COLGALT1: variants seen among roughly 807,000 people sequenced by gnomAD.
COLGALT1 encodes procollagen galactosyltransferase 1.
COLGALT1 carries 43 observed loss-of-function variants against 60.8 expected under a neutral mutation model. That is an observed-to-expected ratio of 0.71 (90% CI 0.55 to 0.91). The LOEUF is 0.91. Among genes scored for constraint, COLGALT1 ranks in the 40% least tolerant of loss-of-function variants. The pLI, the probability that COLGALT1 is intolerant of heterozygous loss-of-function variation, is 0.00. For missense variants in COLGALT1, 845 were observed against 880.0 expected (o/e 0.96, Z 0.50); for synonymous variants, 369 against 374.2 (o/e 0.99, Z 0.16).
At chr19:17,562,783 G>A (rs2076256946) in intron 3 of COLGALT1, among the ~76,000 whole-genome samples, 1 of 152,154 alleles carries the variant, frequency 6.6e-6, no homozygotes, top group African/African-American at 2.4e-5. Flanking sequence ...TTCAGGATGC[G>A]TCACGAGGTG....
intron 11 of COLGALT1, 48 bp downstream of exon 11, chr19:17,580,953 TC>T: frequency 6.2e-7 from 1 of 1,600,112 alleles, no homozygotes; most frequent in Non-Finnish European, 8.5e-7. Context: ...GGTGGGTCTG[TC>T]CTGGGAGAAT....
At chr19:17,559,238 C>A in intron 1 of COLGALT1, 73 bp from the exon 2 acceptor site, 3 of 1,083,816 alleles carry the variant, frequency 2.8e-6, no homozygotes, top group Non-Finnish European at 4.2e-6. Context: ...GATGGTGGTC[C>A]TTGACTTGCC....
intron 10 of COLGALT1, chr19:17,580,319 G>C (rs1456331002): frequency 6.4e-6 from 2 of 310,154 alleles, no homozygotes; most frequent in East Asian, 1.6e-4. Context: ...CTGCATTCTG[G>C]GAACACTGCC....
At position 17,559,319 on chromosome 19, in the gene COLGALT1, C is replaced by T. The variant is rs368847314; in HGVS notation, c.269C>T (p.Thr90Met). ...GTCCCCTCTCCCTGCAGGGTGGCTACGGACCACAACATGGATAACACGTCA... is the reference window on the plus strand; with the variant it reads ...GTCCCCTCTCCCTGCAGGGTGGCTATGGACCACAACATGGATAACACGTCA... ...PRERTALWVA[T>M]DHNMDNTSTV... Residue 90 changes from threonine (T) to methionine (M), a missense_variant, in exon 2 of 12, where the codon ACG becomes ATG. Coordinates refer to ENST00000252599, the MANE Select transcript of COLGALT1 (RefSeq NM_024656.4). The T allele has an allele frequency of 3.1e-5, 48 of 1,551,526 alleles. No homozygotes were observed. The highest frequency in any genetic ancestry group is 1.8e-4 in the South Asian group (15 of 84,058).
In COLGALT1 at chr19:17,580,887, T is replaced by C. The variant is rs137941571; in HGVS notation, c.1583T>C (p.Met528Thr). The C allele has an allele frequency of 6.2e-7, 1 of 1,613,866 alleles. No homozygotes were observed. The highest frequency in any genetic ancestry group is 8.5e-7 in the Non-Finnish European group (1 of 1,179,996). The change falls in exon 11 of 12, where the codon ATG becomes ACG. Residue 528 changes from methionine (M) to threonine (T), a missense_variant. Physicochemically the swap from Met to Thr is moderately conservative, Grantham distance 81. Transcript: ENST00000252599. ...CCTGTGGACGAGTTCCTGCCCGTCA[T>C]GTTCGACAAACACCCAGTGTGAGAG... ...MLPVDEFLPVMFDKHPVSEYK... is the reference protein window; with the variant it reads ...MLPVDEFLPVTFDKHPVSEYK...
chr19:17,561,631 C>CAAAAAA (rs11332403), intron 3 of COLGALT1, among the ~76,000 whole-genome samples: 8 of 72,752 alleles, frequency 1.1e-4, no homozygotes, highest in African/African-American at 2.3e-4. Context: ...GACTCTGTCT[C>CAAAAAA]AAAAAAAAAA....
rs551275658 is a variant in COLGALT1 at position 17,556,274 on chromosome 19, G to C, written c.260+301G>C. On this transcript the variant is annotated intron_variant, in intron 1 of 11. Transcript: ENST00000252599. ...GCTCCTTTGGGGTGGGCTGGGCACC[G>C]CTTCTGCCTGCTGGACCCTACTAGG... Among the ~76,000 whole-genome samples, 22 of 152,320 alleles carry C rather than the reference G, an allele frequency of 1.4e-4. No homozygotes were observed. In the East Asian group the frequency reaches 3.3e-3, roughly 23 times the overall value.
chr19:17,579,708 G>A, intron 10 of COLGALT1, 99 bp downstream of exon 10: 1 of 1,456,554 alleles, frequency 6.9e-7, no homozygotes, highest in South Asian at 1.2e-5. Context: ...ACCTGGGGAT[G>A]GGTCATGGCT....
Position 17,555,775 on chromosome 19 carries a change from T to C in COLGALT1, c.62T>C (p.Leu21Pro). ...RGQPLLALLL[L>P]LLAPLPPGAP... ...CAGCCGCTCCTGGCGCTGCTGCTTC[T>C]GCTGCTGGCGCCACTGCCGCCGGGG... The change falls in exon 1 of 12, where the codon CTG (leucine) becomes CCG (proline). Residue 21 changes from leucine to proline, a missense_variant. By Grantham distance (98) the Leu-to-Pro change is moderately conservative. Coordinates refer to ENST00000252599, the MANE Select transcript of COLGALT1 (RefSeq NM_024656.4). The C allele has an allele frequency of 8.1e-7, 1 of 1,236,908 alleles. No individual in the cohort carries two copies. Among genetic ancestry groups the C allele is most frequent in the Non-Finnish European group, 1.0e-6 (1 of 991,010 alleles). The allele number at this position is 1,236,908 out of a possible 1,614,324, so 76.6% of individuals were successfully genotyped here. A position where few individuals can be genotyped will look rare whatever the true frequency, so the allele number is the denominator to read the frequency against.
Position 17,581,645 on chromosome 19 carries a change from T to A in COLGALT1, c.*201T>A. The A allele has an allele frequency of 1.4e-6, 1 of 702,020 alleles. No homozygotes were observed. Among genetic ancestry groups the A allele is most frequent in the Non-Finnish European group, 2.3e-6 (1 of 431,840 alleles). The allele number at this position is 702,020 out of a possible 1,614,324, so 43.5% of individuals were successfully genotyped here. The stretch of plus-strand genomic sequence containing the variant: ...GCCTACTGCATGCCAGCAACAGGGC[T>A]TGGCCCTGGGGAATTGGGAGGAACC... On this transcript the variant is annotated 3_prime_UTR_variant, in exon 12 of 12. Transcript: ENST00000252599.
At chr19:17,573,523 G>A (rs2076324438) in intron 6 of COLGALT1, among the ~76,000 whole-genome samples, 1 of 151,216 alleles carries the variant, frequency 6.6e-6, no homozygotes, top group African/African-American at 2.4e-5. Context: ...GTGAAACTCC[G>A]TCTCAAAAAA....
intron 3 of COLGALT1, among the ~76,000 whole-genome samples, 167 bp from the exon 4 acceptor site, chr19:17,567,239 G>A (rs1013189492): frequency 2.6e-5 from 4 of 152,210 alleles, no homozygotes; most frequent in African/African-American, 9.7e-5. Flanking sequence ...ATGATCCAGG[G>A]GATCCTGCAG....
In COLGALT1 at chr19:17,577,268, C is replaced by G. The variant is rs145927102; in HGVS notation, c.1023C>G (p.Asp341Glu). 1 of 1,612,938 alleles carries G rather than the reference C, an allele frequency of 6.2e-7. No homozygotes were observed. Among genetic ancestry groups the G allele is most frequent in the Non-Finnish European group, 8.5e-7 (1 of 1,179,626 alleles). Reference protein sequence around the residue: ...PTKTPDKMGFDEVFMINLRRR... With the variant: ...PTKTPDKMGFEEVFMINLRRR... ...AGACACCGGACAAGATGGGCTTCGA[C>G]GAGGTGAGCTGGGCCTTCCCTGGAG... is the stretch of plus-strand genomic sequence containing the variant. The change falls in exon 7 of 12, where the codon GAC becomes GAG. Residue 341 changes from aspartate to glutamate, a missense_variant. By Grantham distance (45) the Asp-to-Glu change is conservative. Transcript: ENST00000252599.
At position 17,560,350 on chromosome 19, in the gene COLGALT1, C is replaced by G. The variant is rs2076240942; in HGVS notation, c.374C>G (p.Ser125Cys). 1 of 1,613,656 alleles carries G rather than the reference C, an allele frequency of 6.2e-7. No individual in the cohort carries two copies. Among genetic ancestry groups the G allele is most frequent in the Non-Finnish European group, 8.5e-7 (1 of 1,179,804 alleles). Residue 125 changes from serine (S) to cysteine (C), a missense_variant and splice_region_variant, in exon 3 of 12, where the codon TCC becomes TGC. Coordinates refer to ENST00000252599, the MANE Select transcript of COLGALT1 (RefSeq NM_024656.4). ...VEWRPAEEPR[S>C]YPDEEGPKHW... Reference sequence around the variant, plus strand: ...ACATCACAGCTGCCTCCCCATAGGTCCTACCCGGACGAGGAAGGCCCGAAA... The same window carrying G: ...ACATCACAGCTGCCTCCCCATAGGTGCTACCCGGACGAGGAAGGCCCGAAA...
chr19:17,580,685 A>C lies in COLGALT1; in HGVS notation c.1395-14A>C, dbSNP rs754804665. The stretch of plus-strand genomic sequence containing the variant: ...GGGCGGGAGGAGAGTGACAGGCCCG[A>C]TCTTGCACCCCAGCTATGTGGGCCG... On this transcript the variant is annotated splice_polypyrimidine_tract_variant and intron_variant, in intron 10 of 11. Transcript: ENST00000252599. The C allele has an allele frequency of 1.9e-6, 3 of 1,613,370 alleles. No homozygotes were observed. The Admixed American group carries it at 5.0e-5, about 27-fold the overall frequency.
At chr19:17,578,175 C>A in intron 9 of COLGALT1, 86 bp downstream of exon 9, 2 of 1,397,182 alleles carry the variant, frequency 1.4e-6, no homozygotes, top group East Asian at 2.6e-5. Flanking sequence ...AAAGAGTTCC[C>A]CAAAGCCCCG....
At chr19:17,578,161 G>T in intron 9 of COLGALT1, 72 bp downstream of exon 9, 2 of 1,433,288 alleles carry the variant, frequency 1.4e-6, no homozygotes, top group East Asian at 2.5e-5. Flanking sequence ...CGGGAAAGGG[G>T]TTGAAAGAGT....
rs574278165 is a variant in COLGALT1 at position 17,572,138 on chromosome 19, C to T, written c.830-345C>T. Among the ~76,000 whole-genome samples, 16 of 152,064 alleles carry T rather than the reference C, an allele frequency of 1.1e-4. No individual in the cohort carries two copies. The South Asian group carries it at 2.9e-3, about 28-fold the overall frequency. On this transcript the variant is annotated intron_variant, in intron 5 of 11. Coordinates refer to ENST00000252599, the MANE Select transcript of COLGALT1 (RefSeq NM_024656.4). ...CATCCTGGCTAACATGATGAAACCC[C>T]GTCTCTACAAATACAAAAAATTAGC...
rs2076234967 is a variant in COLGALT1 at position 17,559,381 on chromosome 19, T to A, written c.331T>A (p.Leu111Met). Reference sequence around the variant, plus strand: ...GGAGTGGCTGGTGGCCGTGAAGAGTTTGTACCATTCCGTGGAGTGGCGGCC... The same window carrying A: ...GGAGTGGCTGGTGGCCGTGAAGAGTATGTACCATTCCGTGGAGTGGCGGCC... Reference protein sequence around the residue: ...LREWLVAVKSLYHSVEWRPAE... With the variant: ...LREWLVAVKSMYHSVEWRPAE... Residue 111 changes from leucine (L) to methionine (M), a missense_variant, in exon 2 of 12, where the codon TTG (leucine) becomes ATG (methionine). Leu to Met is a conservative substitution (Grantham distance 15). Transcript: ENST00000252599. 5.8e-6 allele frequency: 9 copies of A among 1,552,202 alleles called. No individual in the cohort carries two copies. The highest frequency in any genetic ancestry group is 3.3e-4 in the Middle Eastern group (2 of 5,992).
Sources: allele counts gnomAD v4.1 joint callset (sites outside exome capture counted in the v4.1 genomes callset), GRCh38; gene constraint gnomAD v4.1.1; transcripts MANE v1.5; gene names NCBI Gene and HGNC (gene_info 2026-07-23, HGNC 2026-07-21).